DLC1: variants seen among roughly 807,000 people sequenced by gnomAD.
DLC1 encodes rho GTPase-activating protein 7.
In DLC1, 54 loss-of-function variants were observed where a neutral mutation model predicts 140.3. The ratio of observed to expected loss-of-function variants is 0.38; its 90% confidence interval spans 0.31 to 0.48. DLC1 has a LOEUF of 0.48. DLC1 is among the 20% of genes least tolerant of loss of function. The pLI is 0.96. For synonymous variants in DLC1, 986 were observed against 728.1 expected, an observed-to-expected ratio of 1.35 and a Z score of -5.70; for missense variants, 2,536 against 1,907.0, an observed-to-expected ratio of 1.33 and a Z score of -6.14.
chr8:13,209,791 C>T lies in DLC1; in HGVS notation c.1349-94134G>A, dbSNP rs1188307. On this transcript the variant is annotated intron_variant, in intron 5 of 17. Transcript: ENST00000276297. ...ATGCCTGCTCCCCCTTCACCTTCTG[C>T]CATGATTGTAAGCTTACTGAGGCCT... 3.8e-3 allele frequency among the ~76,000 whole-genome samples: 574 copies of T among 152,208 alleles called. 4 individuals are homozygous for T. The highest frequency in any genetic ancestry group is 0.014 in the Middle Eastern group (4 of 294).
At chr8:13,489,452 A>AG (rs769065932) in intron 2 of DLC1, among the ~76,000 whole-genome samples, 5,980 of 108,166 alleles carry the variant, frequency 0.055, 189 homozygotes, top group Non-Finnish European at 0.08. Context: ...CACACACAAA[A>AG]TGTTGCTACT....
chr8:13,527,643 T>C (rs959342326), intron 1 of DLC1, among the ~76,000 whole-genome samples: 1 of 152,180 alleles, frequency 6.6e-6, no homozygotes, highest in African/African-American at 2.4e-5. Context: ...TCTTGCTTTA[T>C]GGCCAATCAT....
At chr8:13,572,854 C>G (rs1359613563) in intron 1 of DLC1, among the ~76,000 whole-genome samples, 1 of 152,106 alleles carries the variant, frequency 6.6e-6, no homozygotes, top group South Asian at 2.1e-4. Context: ...TGTCCTTACT[C>G]CAGTACCATA....
intron 1 of DLC1, among the ~76,000 whole-genome samples, chr8:13,580,121 A>ATTTTTTTT (rs71207167): frequency 0.38 from 57,682 of 150,442 alleles, 11,301 homozygotes; most frequent in Admixed American, 0.42. Flanking sequence ...AGTTGGTTAC[A>ATTTTTTTT]TTTATTTTTT....
chr8:13,095,579 T>C, intron 10 of DLC1: 1 of 255,574 alleles, frequency 3.9e-6, no homozygotes, highest in Non-Finnish European at 7.7e-6. Context: ...GGAGCGTCCT[T>C]CCACCTTGAA....
chr8:13,193,450 A>G lies in DLC1; in HGVS notation c.1349-77793T>C, dbSNP rs186331700. ...CTTAGTAGGAATCCACCACACCTCT[A>G]ATAGTTTAGTGCCACATCTGTACTA... On this transcript the variant is annotated intron_variant, in intron 5 of 17. Transcript: ENST00000276297. Among the ~76,000 whole-genome samples, 369 of 152,244 alleles carry G rather than the reference A, an allele frequency of 2.4e-3. 5 individuals carry two copies. The highest frequency in any genetic ancestry group is 8.2e-4 in the Non-Finnish European group (56 of 68,014).
chr8:13,509,973 C>T (rs554545412), intron 1 of DLC1, among the ~76,000 whole-genome samples: 1 of 152,130 alleles, frequency 6.6e-6, no homozygotes, highest in Non-Finnish European at 1.5e-5. Flanking sequence ...ACATTTCAAG[C>T]ACTCACTAGA....
Position 13,142,815 on chromosome 8 carries a change from C to T in DLC1, c.1349-27158G>A, listed in dbSNP as rs143261021. On this transcript the variant is annotated intron_variant, in intron 5 of 17. Coordinates refer to ENST00000276297, the MANE Select transcript of DLC1 (RefSeq NM_182643.3). ...CTGTAATCCCAGCACTTTGGGAGGC[C>T]GAGGCAGGTGGATCACCTGAGGTTG... Among the ~76,000 whole-genome samples the T allele has an allele frequency of 9.6e-3, 1,460 of 152,138 alleles. 19 individuals carry two copies. Among genetic ancestry groups the T allele is most frequent in the African/African-American group, 0.032 (1,348 of 41,524 alleles).
chr8:13,383,390 C>T (rs765702605), intron 4 of DLC1, among the ~76,000 whole-genome samples: 2 of 152,054 alleles, frequency 1.3e-5, no homozygotes, highest in African/African-American at 2.4e-5. Context: ...GGAACTATAC[C>T]GGAGGGGCTG....
intron 4 of DLC1, among the ~76,000 whole-genome samples, chr8:13,309,655 G>A (rs1388215440): frequency 6.6e-6 from 1 of 152,160 alleles, no homozygotes; most frequent in African/African-American, 2.4e-5. Flanking sequence ...ATGCCACATG[G>A]AAATGTTCTA....
At chr8:13,307,647 G>C (rs1832503728) in intron 4 of DLC1, among the ~76,000 whole-genome samples, 1 of 152,182 alleles carries the variant, frequency 6.6e-6, no homozygotes, top group African/African-American at 2.4e-5. Flanking sequence ...GGAAAAGTTG[G>C]TGACAGGTAA....
In DLC1 at chr8:13,375,787, C is replaced by T. The variant is rs529977966; in HGVS notation, c.1314+17766G>A. ...ATCATTTATATTTGTCAAAGCTTGG[C>T]CATCATTTGAATTCAAAGAAGAACA... On this transcript the variant is annotated intron_variant, in intron 4 of 17. Coordinates refer to ENST00000276297, the MANE Select transcript of DLC1 (RefSeq NM_182643.3). 7.2e-5 allele frequency among the ~76,000 whole-genome samples: 11 copies of T among 152,008 alleles called. No homozygotes were observed. In the East Asian group the frequency reaches 2.1e-3, roughly 29 times the overall value.
intron 5 of DLC1, among the ~76,000 whole-genome samples, chr8:13,288,058 T>A (rs997164372): frequency 7.9e-5 from 12 of 152,142 alleles, no homozygotes; most frequent in African/African-American, 2.9e-4. Flanking sequence ...TTATAATAAA[T>A]CAGAGCTCAG....
chr8:13,567,488 G>T (rs1454956176), intron 1 of DLC1: 1 of 1,552,090 alleles, frequency 6.4e-7, no homozygotes, highest in Non-Finnish European at 8.7e-7. Context: ...GCCTTTAGTT[G>T]TACTGTACCC....
chr8:13,276,238 C>G (rs1449218212), intron 5 of DLC1: 5 of 1,534,812 alleles, frequency 3.3e-6, no homozygotes, highest in Non-Finnish European at 3.5e-6. Context: ...CACCCCCGGT[C>G]TCCAATCCCC....
intron 5 of DLC1, among the ~76,000 whole-genome samples, chr8:13,213,028 A>G (rs1041635831): frequency 6.6e-6 from 1 of 152,212 alleles, no homozygotes; most frequent in African/African-American, 2.4e-5. Flanking sequence ...TTTCAAAAAG[A>G]GATGTTGAAT....
chr8:13,343,925 G>C (rs1400224658), intron 4 of DLC1, among the ~76,000 whole-genome samples: 4 of 151,824 alleles, frequency 2.6e-5, no homozygotes, highest in Non-Finnish European at 5.9e-5. Flanking sequence ...GAAATACTTA[G>C]TTGCTTAAGT....
chr8:13,592,393 T>G (rs1411387402), intron 1 of DLC1, among the ~76,000 whole-genome samples: 3 of 152,096 alleles, frequency 2.0e-5, no homozygotes, highest in African/African-American at 7.2e-5. Context: ...ATTTGTTTTA[T>G]TTATATTTTT....
chr8:13,469,971 T>G (rs1406118268), intron 2 of DLC1, among the ~76,000 whole-genome samples: 1 of 152,202 alleles, frequency 6.6e-6, no homozygotes, highest in Admixed American at 6.5e-5. Context: ...GCTTATTTTG[T>G]ATAGAAAGTG....
Sources: allele counts gnomAD v4.1 joint callset (sites outside exome capture counted in the v4.1 genomes callset), GRCh38; gene constraint gnomAD v4.1.1; transcripts MANE v1.5; gene names NCBI Gene and HGNC (gene_info 2026-07-23, HGNC 2026-07-21).